DPP10: variants seen among roughly 807,000 people sequenced by gnomAD.
DPP10 encodes the protein inactive dipeptidyl peptidase 10.
In DPP10, 33 loss-of-function variants were observed where a neutral mutation model predicts 120.9. The ratio of observed to expected loss-of-function variants is 0.27; its 90% CI spans 0.21 to 0.37. The LOEUF is 0.37. Ranked by LOEUF, DPP10 falls within the 10% of genes least tolerant of loss-of-function variation. DPP10 has a pLI of 1.00. For synonymous variants in DPP10, 337 were observed against 326.1 expected, an observed-to-expected ratio of 1.03 and a Z score of -0.36; for missense variants, 816 against 942.8, an observed-to-expected ratio of 0.87 and a Z score of 1.76.
chr2:114,538,947 T>C (rs1251209005), intron 1 of DPP10, among the ~76,000 whole-genome samples: 1 of 152,066 alleles, frequency 6.6e-6, no homozygotes, highest in East Asian at 1.9e-4. Context: ...TAGTCACACA[T>C]ACCCATCCAA....
At position 115,155,080 on chromosome 2, in the gene DPP10, G is replaced by T. The variant is rs375300505; in HGVS notation, c.61-154159G>T. ...CTAATTTTATTTATTTTTTTTTTTT[G>T]GTATTCTTAGTGGAGACGGGGTTTC... On this transcript the variant is annotated intron_variant, in intron 1 of 25. Transcript: ENST00000410059. Among the ~76,000 whole-genome samples the T allele has an allele frequency of 1.2e-3, 173 of 142,320 alleles. 1 individual carries two copies. The highest frequency in any genetic ancestry group is 4.2e-3 in the African/African-American group (158 of 37,892). 93.4% of individuals were successfully genotyped at this position (142,320 alleles called of 152,430 possible).
At chr2:114,865,188 C>T (rs1052214562) in intron 1 of DPP10, among the ~76,000 whole-genome samples, 4 of 152,118 alleles carry the variant, frequency 2.6e-5, no homozygotes, top group Admixed American at 1.3e-4. Context: ...TGTTTACATA[C>T]GCTGGTAGAG....
At chr2:114,645,912 C>A (rs2105455029) in intron 1 of DPP10, among the ~76,000 whole-genome samples, 1 of 152,262 alleles carries the variant, frequency 6.6e-6, no homozygotes, top group African/African-American at 2.4e-5. Flanking sequence ...CCTGTAATCT[C>A]AGCACTTTGG....
At chr2:114,589,723 G>A (rs535836648) in intron 1 of DPP10, among the ~76,000 whole-genome samples, 1 of 152,066 alleles carries the variant, frequency 6.6e-6, no homozygotes, top group African/African-American at 2.4e-5. Flanking sequence ...GGAGAAATAG[G>A]TATATATTCT....
At chr2:115,325,247 T>C (rs2062291163) in intron 2 of DPP10, among the ~76,000 whole-genome samples, 1 of 152,020 alleles carries the variant, frequency 6.6e-6, no homozygotes, top group Non-Finnish European at 1.5e-5. Context: ...CAAAGCACAA[T>C]AAAATGAGTA....
chr2:115,325,071 TATAATA>T lies in DPP10; in HGVS notation c.175+15726_175+15731del, dbSNP rs574614972. Among the ~76,000 whole-genome samples the T allele has an allele frequency of 6.3e-3, 955 of 152,052 alleles. 11 individuals carry two copies. Among genetic ancestry groups the T allele is most frequent in the African/African-American group, 0.022 (916 of 41,474 alleles). On this transcript the variant is annotated intron_variant, in intron 2 of 25. Coordinates refer to ENST00000410059, the MANE Select transcript of DPP10 (RefSeq NM_020868.6). ...CCTGATCACAGATCACCGTAACAGA[TATAATA>T]ATAATAAAGTATGAAAAATTGTGAG...
chr2:115,653,400 G>T (rs2087978594), intron 5 of DPP10, among the ~76,000 whole-genome samples: 2 of 151,924 alleles, frequency 1.3e-5, no homozygotes. Flanking sequence ...TCCATTCTCA[G>T]TAGCACCAGT....
intron 5 of DPP10, among the ~76,000 whole-genome samples, chr2:115,615,424 A>G (rs540892780): frequency 2.0e-5 from 3 of 152,338 alleles, no homozygotes; most frequent in Admixed American, 6.5e-5. Flanking sequence ...TATAAATTCT[A>G]GAATGGCGGG....
intron 1 of DPP10, among the ~76,000 whole-genome samples, chr2:114,520,481 A>G (rs1684962422): frequency 6.6e-6 from 1 of 152,258 alleles, no homozygotes; most frequent in Non-Finnish European, 1.5e-5. Context: ...CAGCAGATAA[A>G]GTAGCATATA....
At chr2:115,541,261 T>C (rs1034912170) in intron 5 of DPP10, among the ~76,000 whole-genome samples, 1 of 151,950 alleles carries the variant, frequency 6.6e-6, no homozygotes, top group African/African-American at 2.4e-5. Context: ...TCCTGTTTCC[T>C]GTTATTGGAG....
intron 1 of DPP10, among the ~76,000 whole-genome samples, chr2:115,042,074 A>G (rs930245790): frequency 6.7e-6 from 1 of 148,160 alleles, no homozygotes; most frequent in Non-Finnish European, 1.5e-5. Flanking sequence ...ATAGGAAATC[A>G]ATAAAATTTA....
intron 1 of DPP10, among the ~76,000 whole-genome samples, chr2:115,244,216 G>GTATATATATATATATATA (rs377701662): frequency 8.3e-6 from 1 of 119,858 alleles, no homozygotes; most frequent in African/African-American, 3.3e-5. Context: ...ATATGTGTGT[G>GTATATATATATATATATA]TATATATATA....
At chr2:114,622,144 G>A (rs1273861092) in intron 1 of DPP10, among the ~76,000 whole-genome samples, 1 of 151,980 alleles carries the variant, frequency 6.6e-6, no homozygotes, top group Non-Finnish European at 1.5e-5. Context: ...TAAATGAGAT[G>A]AACCCATCAT....
At position 115,432,659 on chromosome 2, in the gene DPP10, TTGTGTGTGTGTGTGTGTG is replaced by T. The variant is rs59844767; in HGVS notation, c.272-66827_272-66810del. Among the ~76,000 whole-genome samples, 1,100 of 137,752 alleles carry T rather than the reference TTGTGTGTGTGTGTGTGTG, an allele frequency of 8.0e-3. 6 individuals are homozygous for T. Among genetic ancestry groups the T allele is most frequent in the African/African-American group, 0.027 (1,000 of 37,260 alleles). The allele number at this position is 137,752 out of a possible 152,430, so 90.4% of individuals were successfully genotyped here. A position where few individuals can be genotyped will look rare whatever the true frequency, so the allele number is the denominator to read the frequency against. ...CCTTGTTTAAAAGCCATAGGCAATT[TTGTGTGTGTGTGTGTGTG>T]TGTGTGTGTGTGTGTGTGTGTGTCT... On this transcript the variant is annotated intron_variant, in intron 3 of 25. Coordinates refer to ENST00000410059, the MANE Select transcript of DPP10 (RefSeq NM_020868.6).
intron 1 of DPP10, among the ~76,000 whole-genome samples, chr2:114,505,742 G>A (rs1231416550): frequency 2.0e-5 from 3 of 152,110 alleles, no homozygotes; most frequent in Non-Finnish European, 4.4e-5. Context: ...CCCACACCCT[G>A]TTCTCTCTGC....
At chr2:114,712,178 G>C (rs1002121287) in intron 1 of DPP10, among the ~76,000 whole-genome samples, 2 of 151,980 alleles carry the variant, frequency 1.3e-5, no homozygotes, top group Non-Finnish European at 2.9e-5. Context: ...AAATCAGCTG[G>C]GCGTGATGGT....
intron 1 of DPP10, among the ~76,000 whole-genome samples, chr2:114,691,270 A>C (rs922104876): frequency 6.6e-6 from 1 of 152,140 alleles, no homozygotes; most frequent in African/African-American, 2.4e-5. Context: ...AGTTTTAAAC[A>C]TAAAGGGATG....
chr2:115,178,220 A>G (rs893450610), intron 1 of DPP10, among the ~76,000 whole-genome samples: 1 of 152,118 alleles, frequency 6.6e-6, no homozygotes. Flanking sequence ...GGGAAGAGCC[A>G]TGCTCTCCAC....
intron 3 of DPP10, among the ~76,000 whole-genome samples, chr2:115,467,200 G>T (rs2074380755): frequency 6.6e-6 from 1 of 152,122 alleles, no homozygotes; most frequent in South Asian, 2.1e-4. Context: ...GTACACTCAT[G>T]CATGTTTGCA....
Sources: allele counts gnomAD v4.1 joint callset (sites outside exome capture counted in the v4.1 genomes callset), GRCh38; gene constraint gnomAD v4.1.1; transcripts MANE v1.5; gene names NCBI Gene and HGNC (gene_info 2026-07-23, HGNC 2026-07-21).